ROBO1: variants seen among roughly 807,000 people sequenced by gnomAD.
ROBO1 encodes roundabout homolog 1.
ROBO1 carries 149 observed loss-of-function variants against 195.9 expected under a neutral mutation model. That is an observed-to-expected ratio of 0.76 (90% CI 0.67 to 0.87). The LOEUF is 0.87. ROBO1 is among the 40% of genes least tolerant of loss of function. The pLI, the probability that ROBO1 is intolerant of heterozygous loss-of-function variation, is 0.00. For synonymous variants in ROBO1, 816 were observed against 733.2 expected, an observed-to-expected ratio of 1.11 and a Z score of -1.82; for missense variants, 1,933 against 2,068.3, an observed-to-expected ratio of 0.93 and a Z score of 1.27.
At chr3:78,692,009 G>A (rs560247830) in intron 8 of ROBO1, among the ~76,000 whole-genome samples, 5 of 151,050 alleles carry the variant, frequency 3.3e-5, no homozygotes, top group African/African-American at 9.7e-5. Flanking sequence ...AGGCATTTTT[G>A]TTGTTGTATC....
chr3:79,559,958 G>C (rs1395737431), intron 2 of ROBO1, among the ~76,000 whole-genome samples: 1 of 151,768 alleles, frequency 6.6e-6, no homozygotes, highest in African/African-American at 2.4e-5. Context: ...TAACTTCATG[G>C]GGCAAAATGT....
intron 1 of ROBO1, among the ~76,000 whole-genome samples, chr3:79,661,893 C>T (rs976514055): frequency 6.6e-6 from 1 of 152,044 alleles, no homozygotes; most frequent in Non-Finnish European, 1.5e-5. Context: ...ATGATTTTTA[C>T]TGCATCTTCC....
At chr3:79,345,481 C>G (rs535180580) in intron 2 of ROBO1, among the ~76,000 whole-genome samples, 1 of 152,064 alleles carries the variant, frequency 6.6e-6, no homozygotes, top group Non-Finnish European at 1.5e-5. Context: ...TGGGGGCAAA[C>G]GATTCCAGAC....
At chr3:79,106,945 C>T (rs753833151) in intron 3 of ROBO1, among the ~76,000 whole-genome samples, 18 of 151,646 alleles carry the variant, frequency 1.2e-4, no homozygotes, top group Non-Finnish European at 2.2e-4. Flanking sequence ...CTCATTGTGT[C>T]AGTCTTTGTT....
In ROBO1 at chr3:79,077,454, C is replaced by T. The variant is rs1443062655; in HGVS notation, c.172+48002G>A. 4.0e-5 allele frequency among the ~76,000 whole-genome samples: 6 copies of T among 151,762 alleles called. No individual in the cohort carries two copies. The East Asian group carries it at 7.8e-4, about 20-fold the overall frequency. ...ATACACAGACATGTATGTAGATATA[C>T]GGAATGATCTATGTGTGTATATATA... On this transcript the variant is annotated intron_variant, in intron 3 of 30. Coordinates refer to ENST00000464233, the MANE Select transcript of ROBO1 (RefSeq NM_002941.4).
At chr3:78,782,222 A>C (rs985733492) in intron 4 of ROBO1, among the ~76,000 whole-genome samples, 1 of 151,906 alleles carries the variant, frequency 6.6e-6, no homozygotes, top group Non-Finnish European at 1.5e-5. Context: ...TTTGAGACAG[A>C]GTCTTGCACT....
chr3:78,693,437 G>A, intron 8 of ROBO1: 3 of 1,023,540 alleles, frequency 2.9e-6, no homozygotes, highest in Non-Finnish European at 4.4e-6. Flanking sequence ...AATAAGATTT[G>A]ACTTAACAAT....
At chr3:78,634,132 T>C in intron 23 of ROBO1, 90 bp from the exon 24 acceptor site, 1 of 803,540 alleles carries the variant, frequency 1.2e-6, no homozygotes, top group Admixed American at 2.8e-5. Flanking sequence ...TCTGAGTAAC[T>C]AAAGAAACAA....
chr3:79,385,261 T>G (rs2036701349), intron 2 of ROBO1, among the ~76,000 whole-genome samples: 1 of 152,160 alleles, frequency 6.6e-6, no homozygotes, highest in Non-Finnish European at 1.5e-5. Context: ...TTCAGTTATT[T>G]GAATCTTTCT....
intron 2 of ROBO1, among the ~76,000 whole-genome samples, chr3:79,484,088 G>A (rs542339112): frequency 2.8e-4 from 42 of 152,186 alleles, no homozygotes; most frequent in Middle Eastern, 3.2e-3. Context: ...TCTAAGGATA[G>A]AAACAGCACT....
chr3:79,265,751 TATAA>T (rs2083028727), intron 2 of ROBO1, among the ~76,000 whole-genome samples: 1 of 151,588 alleles, frequency 6.6e-6, no homozygotes, highest in Non-Finnish European at 1.5e-5. Context: ...TAGATGTTAC[TATAA>T]ATGTTACCTT....
chr3:78,884,664 G>A (rs185398540), intron 4 of ROBO1, among the ~76,000 whole-genome samples: 42,104 of 128,316 alleles, frequency 0.33, 7,071 homozygotes, highest in Middle Eastern at 0.38. Flanking sequence ...AGGAAGGAAG[G>A]AAGGAAGGAA....
chr3:78,774,214 T>C, intron 4 of ROBO1, among the ~76,000 whole-genome samples: 1 of 152,224 alleles, frequency 6.6e-6, no homozygotes, highest in East Asian at 1.9e-4. Context: ...AATTTAAATT[T>C]TCCCACCATC....
At chr3:79,059,598 A>G (rs1407279076) in intron 3 of ROBO1, among the ~76,000 whole-genome samples, 3 of 152,068 alleles carry the variant, frequency 2.0e-5, no homozygotes, top group African/African-American at 2.4e-5. Context: ...TTTCATGGAC[A>G]TTCATTAGTT....
intron 1 of ROBO1, among the ~76,000 whole-genome samples, chr3:79,688,484 C>A (rs1364579147): frequency 6.6e-6 from 1 of 152,084 alleles, no homozygotes; most frequent in Non-Finnish European, 1.5e-5. Context: ...ATTACTTTGA[C>A]TATTTTTTGC....
chr3:78,643,581 A>G (rs188666680), intron 21 of ROBO1, among the ~76,000 whole-genome samples: 14 of 152,262 alleles, frequency 9.2e-5, no homozygotes, highest in Admixed American at 3.3e-4. Flanking sequence ...AGTGGATTGT[A>G]GGGTCTGGCA....
chr3:79,343,314 G>A (rs141219333), intron 2 of ROBO1, among the ~76,000 whole-genome samples: 116 of 152,222 alleles, frequency 7.6e-4, no homozygotes, highest in Non-Finnish European at 1.3e-3. Context: ...ACAGGTTTTT[G>A]TGCAATAAAA....
At chr3:79,483,606 C>A (rs1293149736) in intron 2 of ROBO1, among the ~76,000 whole-genome samples, 2 of 152,114 alleles carry the variant, frequency 1.3e-5, no homozygotes, top group African/African-American at 4.8e-5. Flanking sequence ...AGGCTACAAA[C>A]CTGTAAATCA....
intron 2 of ROBO1, among the ~76,000 whole-genome samples, chr3:79,242,017 T>C (rs2082529167): frequency 6.6e-6 from 1 of 151,642 alleles, no homozygotes; most frequent in Non-Finnish European, 1.5e-5. Context: ...AGAAATACAC[T>C]TGGGCATCAG....
Sources: gnomAD v4.1 joint callset for allele counts (sites outside exome capture counted in the v4.1 genomes callset) on GRCh38, gnomAD v4.1.1 for gene constraint, MANE v1.5 for transcripts, NCBI Gene and HGNC (gene_info 2026-07-23, HGNC 2026-07-21) for gene names.